PLEKHA5: variants seen among roughly 807,000 people sequenced by gnomAD.
PLEKHA5 encodes pleckstrin homology domain-containing family A member 5.
A neutral mutation model predicts 181.9 loss-of-function variants in PLEKHA5; 55 were observed. The observed-to-expected ratio is 0.30, with a 90% CI of 0.24 to 0.38. The LOEUF is 0.38. PLEKHA5 is among the 10% of genes least tolerant of loss of function. The probability of loss-of-function intolerance (pLI) is 1.00; values close to 1 mark genes in which losing one functional copy is unlikely to be tolerated. For missense variants in PLEKHA5, 1,432 were observed against 1,549.5 expected (o/e 0.92, Z 1.27); for synonymous variants, 535 against 529.4 (o/e 1.01, Z -0.15).
At chr12:19,206,434 A>G (rs1243259438) in intron 3 of PLEKHA5, among the ~76,000 whole-genome samples, 1 of 152,072 alleles carries the variant, frequency 6.6e-6, no homozygotes, top group Non-Finnish European at 1.5e-5. Flanking sequence ...ATAAACCATT[A>G]TATGTTTTGA....
chr12:19,255,120 C>G lies in PLEKHA5; in HGVS notation c.387C>G (p.Asn129Lys), dbSNP rs151015416. The change falls in exon 5 of 32, where the codon AAC (asparagine) becomes AAG (lysine). Residue 129 changes from asparagine to lysine, a missense_variant. Physicochemically the swap from Asn to Lys is moderately conservative, Grantham distance 94. Transcript: ENST00000429027. ...ISMINEASNY[N>K]VTSDYAVHPM... is the part of the protein sequence containing the mutation. ...TGATAAATGAAGCTTCTAACTATAA[C>G]GTGACTTCAGATTATGCAGTGCATC... 12 of 1,608,826 alleles carry G rather than the reference C, an allele frequency of 7.5e-6. No individual in the cohort carries two copies. The African/African-American group carries it at 1.1e-4, about 14-fold the overall frequency.
chr12:19,173,125 G>A (rs1299027176), intron 3 of PLEKHA5, among the ~76,000 whole-genome samples: 63 of 138,498 alleles, frequency 4.5e-4, no homozygotes, highest in African/African-American at 1.6e-3. Flanking sequence ...CTGGGTTCAC[G>A]CCATTCTCCT....
chr12:19,132,923 C>CT (rs35045706), intron 3 of PLEKHA5, among the ~76,000 whole-genome samples: 9 of 118,252 alleles, frequency 7.6e-5, no homozygotes, highest in African/African-American at 1.2e-4. Flanking sequence ...ACGTGAACAT[C>CT]TTTTTTTTTT....
chr12:19,346,023 A>C (rs1287036417), intron 23 of PLEKHA5, 135 bp downstream of exon 23: 2 of 443,386 alleles, frequency 4.5e-6, no homozygotes, highest in African/African-American at 4.2e-5. Flanking sequence ...TTAGTCTTGA[A>C]ATTTTATTGG....
At chr12:19,294,256 A>G (rs1359296451) in intron 15 of PLEKHA5, among the ~76,000 whole-genome samples, 2 of 152,128 alleles carry the variant, frequency 1.3e-5, no homozygotes, top group Non-Finnish European at 2.9e-5. Context: ...AAAATTTATG[A>G]TTTAGATAAC....
chr12:19,311,098 G>A (rs76494961), intron 15 of PLEKHA5, among the ~76,000 whole-genome samples: 29,273 of 151,824 alleles, frequency 0.19, 3,305 homozygotes, highest in East Asian at 0.34. Context: ...GTAGCATGCA[G>A]TGGTGTTTGA....
At chr12:19,281,942 C>T (rs1440279858) in intron 11 of PLEKHA5, among the ~76,000 whole-genome samples, 5 of 151,944 alleles carry the variant, frequency 3.3e-5, no homozygotes, top group Admixed American at 6.6e-5. Flanking sequence ...CCACCACGCC[C>T]GGCTAATTTT....
Position 19,283,596 on chromosome 12 carries a change from A to G in PLEKHA5, c.1630A>G (p.Met544Val), listed in dbSNP as rs1021525119. 5 of 1,613,998 alleles carry G rather than the reference A, an allele frequency of 3.1e-6. No individual in the cohort carries two copies. The highest frequency in any genetic ancestry group is 1.3e-5 in the African/African-American group (1 of 74,902). The change falls in exon 12 of 32, where the codon ATG becomes GTG. Residue 544 changes from methionine (M) to valine (V), a missense_variant. Met to Val is a conservative substitution (Grantham distance 21). This residue lies in a region of PLEKHA5 where 1,143 missense variants were observed against 1,168.4 expected (regional missense o/e 0.98). Transcript: ENST00000429027. ...KTMVNISDQT[M>V]HSIPTSPSHG... is the part of the protein sequence containing the mutation. ...CATGGTAAATATTTCTGACCAGACA[A>G]TGCACTCTATTCCCACATCACCTTC...
intron 3 of PLEKHA5, among the ~76,000 whole-genome samples, chr12:19,187,734 T>C (rs1432100247): frequency 1.3e-5 from 2 of 152,098 alleles, no homozygotes; most frequent in Non-Finnish European, 2.9e-5. Flanking sequence ...CTTAGAGAAG[T>C]AGGAAAAGAA....
intron 7 of PLEKHA5, among the ~76,000 whole-genome samples, chr12:19,262,826 A>G (rs548126936): frequency 4.6e-5 from 7 of 152,284 alleles, no homozygotes; most frequent in African/African-American, 9.6e-5. Context: ...GCATCACGCA[A>G]TTTACCTTTG....
intron 3 of PLEKHA5, among the ~76,000 whole-genome samples, chr12:19,187,420 A>T (rs911614062): frequency 3.3e-5 from 5 of 152,130 alleles, no homozygotes; most frequent in Non-Finnish European, 5.9e-5. Flanking sequence ...TATAGTTAAG[A>T]TGTTAGTCTT....
At chr12:19,308,028 G>A (rs2152965593) in intron 15 of PLEKHA5, among the ~76,000 whole-genome samples, 1 of 152,202 alleles carries the variant, frequency 6.6e-6, no homozygotes, top group Middle Eastern at 3.4e-3. Context: ...AAGAAAATCA[G>A]AGAGTGATAC....
chr12:19,187,185 A>C (rs1166440332), intron 3 of PLEKHA5, among the ~76,000 whole-genome samples: 1 of 152,200 alleles, frequency 6.6e-6, no homozygotes, highest in Admixed American at 6.5e-5. Context: ...TGCTATGTCT[A>C]GATCTGACTT....
intron 3 of PLEKHA5, among the ~76,000 whole-genome samples, chr12:19,161,610 C>G (rs1217319747): frequency 6.6e-6 from 1 of 152,000 alleles, no homozygotes; most frequent in East Asian, 1.9e-4. Context: ...ACCAAGGGTG[C>G]GAACCACCGT....
chr12:19,337,066 CA>C (rs1424465603), intron 21 of PLEKHA5, among the ~76,000 whole-genome samples: 3 of 148,064 alleles, frequency 2.0e-5, no homozygotes, highest in African/African-American at 7.5e-5. Context: ...TGGCTCACCG[CA>C]ACCTCTGCCT....
At chr12:19,185,971 T>C (rs2049774376) in intron 3 of PLEKHA5, among the ~76,000 whole-genome samples, 1 of 152,206 alleles carries the variant, frequency 6.6e-6, no homozygotes, top group African/African-American at 2.4e-5. Context: ...GAATATCCTT[T>C]GTGAAATATT....
intron 15 of PLEKHA5, 128 bp from the exon 16 acceptor site, chr12:19,314,686 G>C: frequency 4.4e-6 from 3 of 683,322 alleles, no homozygotes; most frequent in Non-Finnish European, 5.4e-6. Context: ...TACAACCATG[G>C]GGTAAAATGT....
intron 29 of PLEKHA5, 70 bp downstream of exon 29, chr12:19,361,776 A>C (rs1257181531): frequency 7.5e-7 from 1 of 1,332,978 alleles, no homozygotes; most frequent in East Asian, 2.3e-5. Flanking sequence ...TGAACTTCAG[A>C]GTCAAAAGTA....
Position 19,290,776 on chromosome 12 carries a change from C to T in PLEKHA5, c.1963C>T (p.Leu655Phe). The change falls in exon 14 of 32, where the codon CTT becomes TTT. Residue 655 changes from leucine (L) to phenylalanine (F), a missense_variant. Leu to Phe is a conservative substitution (Grantham distance 22). Around this residue, in one of 2 missense-constraint regions of PLEKHA5, gnomAD observed 1,143 missense variants for 1,168.4 expected, o/e 0.98. Coordinates refer to ENST00000429027, the MANE Select transcript of PLEKHA5 (RefSeq NM_001256470.2). ...HTLAQLMQLK[L>F]EAHSPKNEIL... ...GTTAGCACAGCTCATGCAGCTAAAG[C>T]TTGAGGCCCACAGCCCAAAGGTCAG... 6.5e-7 allele frequency: 1 copy of T among 1,534,820 alleles called. No individual in the cohort carries two copies. Among genetic ancestry groups the T allele is most frequent in the Non-Finnish European group, 8.7e-7 (1 of 1,145,656 alleles).
Sources: gnomAD v4.1 joint callset for allele counts (sites outside exome capture counted in the v4.1 genomes callset) on GRCh38, gnomAD v4.1.1 for gene constraint, gnomAD v4.1.1 regional missense constraint, MANE v1.5 for transcripts, NCBI Gene and HGNC (gene_info 2026-07-23, HGNC 2026-07-21) for gene names.